Variants in IL1RAPL2 observed in about 807,000 individuals in gnomAD.
IL1RAPL2 encodes interleukin 1 receptor accessory protein like 2.
In IL1RAPL2, 3 loss-of-function variants were observed where a neutral mutation model predicts 44.1. The ratio of observed to expected loss-of-function variants is 0.07; its 90% CI spans 0.03 to 0.18. The LOEUF (loss-of-function observed/expected upper bound fraction) is 0.18, where lower values mean the gene tolerates loss of function less well. Ranked by LOEUF, IL1RAPL2 falls within the 10% of genes least tolerant of loss-of-function variation. The pLI is 1.00. For missense variants in IL1RAPL2, 391 were observed against 496.4 expected (o/e 0.79, Z 2.02); for synonymous variants, 181 against 178.8 (o/e 1.01, Z -0.10).
intron 2 of IL1RAPL2, among the ~76,000 whole-genome samples, chrX:104,730,778 G>A (rs112267571): frequency 9.1e-6 from 1 of 109,839 alleles, no homozygotes; most frequent in Non-Finnish European, 1.9e-5. Flanking sequence ...TCTAGTTCTA[G>A]ATCCCTGAGG....
intron 1 of IL1RAPL2, among the ~76,000 whole-genome samples, chrX:104,642,738 G>C (rs1264929229): frequency 9.0e-6 from 1 of 111,524 alleles, no homozygotes; most frequent in East Asian, 2.8e-4. Context: ...GCCAACCTCG[G>C]CCTCCCAAAG....
At chrX:105,223,610 G>C (rs1448888847) in intron 3 of IL1RAPL2, among the ~76,000 whole-genome samples, 5 of 112,015 alleles carry the variant, frequency 4.5e-5, no homozygotes, top group African/African-American at 1.3e-4. Context: ...GCAGCCTGGA[G>C]GAGGGAGAAA....
At chrX:105,056,846 T>C (rs995059400) in intron 2 of IL1RAPL2, among the ~76,000 whole-genome samples, 3 of 111,874 alleles carry the variant, frequency 2.7e-5, no homozygotes, top group Admixed American at 1.9e-4. Flanking sequence ...ATTAATTAAA[T>C]TTGGAGGAAA....
intron 2 of IL1RAPL2, among the ~76,000 whole-genome samples, chrX:105,041,889 A>G (rs144470751): frequency 0.066 from 7,288 of 110,847 alleles, 685 homozygotes; most frequent in African/African-American, 0.23. Context: ...ATGTAGATCA[A>G]TGGAACAGAA....
At chrX:105,172,102 G>A (rs1032082813) in intron 2 of IL1RAPL2, among the ~76,000 whole-genome samples, 2 of 112,275 alleles carry the variant, frequency 1.8e-5, no homozygotes, top group Middle Eastern at 4.6e-3. Flanking sequence ...TGAGGGTAAA[G>A]GGTTTGAACA....
chrX:104,631,408 C>T (rs1349904370), intron 1 of IL1RAPL2, among the ~76,000 whole-genome samples: 10 of 111,766 alleles, frequency 8.9e-5, no homozygotes, highest in East Asian at 2.8e-4. Flanking sequence ...CCTGAGGAAT[C>T]GCCACACTGA....
chrX:104,750,403 A>G (rs1411752352), intron 2 of IL1RAPL2, among the ~76,000 whole-genome samples: 1 of 111,018 alleles, frequency 9.0e-6, no homozygotes, highest in Non-Finnish European at 1.9e-5. Flanking sequence ...GCCAAATTGA[A>G]CACCACCACA....
intron 4 of IL1RAPL2, among the ~76,000 whole-genome samples, chrX:105,235,511 A>G (rs2034113095): frequency 9.0e-6 from 1 of 111,629 alleles, no homozygotes; most frequent in Non-Finnish European, 1.9e-5. Context: ...CACAGCTGTC[A>G]TATGCCTTTA....
At chrX:105,381,270 A>T (rs1222885751) in intron 5 of IL1RAPL2, among the ~76,000 whole-genome samples, 1 of 111,366 alleles carries the variant, frequency 9.0e-6, no homozygotes, top group African/African-American at 3.3e-5. Context: ...TCTGACTCCT[A>T]AATGTACATT....
intron 1 of IL1RAPL2, among the ~76,000 whole-genome samples, chrX:104,653,158 C>A (rs1246000112): frequency 1.8e-5 from 2 of 111,487 alleles, no homozygotes; most frequent in Admixed American, 9.6e-5. Flanking sequence ...CATTGGAAAT[C>A]CCTTGCAAGA....
At chrX:105,085,723 C>G (rs1404339051) in intron 2 of IL1RAPL2, among the ~76,000 whole-genome samples, 4 of 111,745 alleles carry the variant, frequency 3.6e-5, no homozygotes, top group Non-Finnish European at 7.5e-5. Flanking sequence ...ACTCTCACGG[C>G]AGTTGAAAGC....
intron 1 of IL1RAPL2, among the ~76,000 whole-genome samples, chrX:104,634,426 C>G (rs1463063509): frequency 2.7e-5 from 3 of 111,337 alleles, no homozygotes; most frequent in Admixed American, 9.5e-5. Flanking sequence ...TTTGATCTGT[C>G]TAATGTTGAC....
chrX:105,274,096 G>A (rs1027036258), intron 5 of IL1RAPL2, among the ~76,000 whole-genome samples: 42 of 111,822 alleles, frequency 3.8e-4, no homozygotes, highest in Admixed American at 3.0e-3. Flanking sequence ...CAAAATATTG[G>A]ACACGATGTC....
chrX:104,720,248 G>C (rs1931651113), intron 2 of IL1RAPL2, among the ~76,000 whole-genome samples: 1 of 111,263 alleles, frequency 9.0e-6, no homozygotes, highest in Admixed American at 9.6e-5. Context: ...GACATTGTTG[G>C]GTTTTATTAG....
intron 2 of IL1RAPL2, among the ~76,000 whole-genome samples, chrX:105,003,265 A>C (rs1445261803): frequency 2.7e-5 from 3 of 111,385 alleles, no homozygotes; most frequent in African/African-American, 9.8e-5. Context: ...GTGAAATCTG[A>C]TGTGGCTTCT....
At chrX:104,916,222 G>A (rs1924424968) in intron 2 of IL1RAPL2, among the ~76,000 whole-genome samples, 1 of 111,711 alleles carries the variant, frequency 9.0e-6, no homozygotes, top group Admixed American at 9.5e-5. Context: ...TCTTCCATTT[G>A]TTTGTATCCT....
At chrX:105,600,914 A>G (rs1053840188) in intron 6 of IL1RAPL2, among the ~76,000 whole-genome samples, 1 of 111,392 alleles carries the variant, frequency 9.0e-6, no homozygotes, top group Non-Finnish European at 1.9e-5. Context: ...TTAACATATG[A>G]TATCATCAAA....
intron 2 of IL1RAPL2, among the ~76,000 whole-genome samples, chrX:105,114,105 G>A (rs2032828260): frequency 8.9e-6 from 1 of 111,864 alleles, no homozygotes; most frequent in Admixed American, 9.4e-5. Flanking sequence ...ATGAAGAGGT[G>A]GAGCCTTTGG....
chrX:105,047,290 AG>A (rs745617427), intron 2 of IL1RAPL2, among the ~76,000 whole-genome samples: 1 of 111,801 alleles, frequency 8.9e-6, no homozygotes, highest in East Asian at 2.8e-4. Context: ...TATTTCCTTC[AG>A]GCTTTTTCTT....
Sources: allele counts gnomAD v4.1 joint callset (sites outside exome capture counted in the v4.1 genomes callset), GRCh38; gene constraint gnomAD v4.1.1; transcripts MANE v1.5; gene names NCBI Gene and HGNC (gene_info 2026-07-23, HGNC 2026-07-21).